COL15A1: variants seen among roughly 807,000 people sequenced by gnomAD.
COL15A1 encodes collagen type XV alpha 1 chain.
A neutral mutation model predicts 165.9 loss-of-function variants in COL15A1; 111 were observed. The ratio of observed to expected loss-of-function variants is 0.67; its 90% CI spans 0.57 to 0.78. COL15A1 has a LOEUF of 0.78. Among genes scored for constraint, COL15A1 ranks in the 30% least tolerant of loss-of-function variants. The pLI is 0.00. For synonymous variants in COL15A1, 659 were observed against 674.8 expected (o/e 0.98, Z 0.36); for missense variants, 1,745 against 1,789.7 (o/e 0.98, Z 0.45).
chr9:99,043,376 G>C (rs930228745), intron 24 of COL15A1, among the ~76,000 whole-genome samples: 3 of 152,062 alleles, frequency 2.0e-5, no homozygotes, highest in Non-Finnish European at 4.4e-5. Flanking sequence ...AGCACCTCTT[G>C]CTTTAAACAC....
chr9:99,055,380 G>C lies in COL15A1; in HGVS notation c.3192+8G>C, dbSNP rs1825707016. ...GGAAATCCAGGCCCGGCTGTGAGTA[G>C]AGACCCCTCCAAGTCATCTACCCCA... On this transcript the variant is annotated splice_region_variant and intron_variant, in intron 34 of 41. Coordinates refer to ENST00000375001, the MANE Select transcript of COL15A1 (RefSeq NM_001855.5). 6.4e-7 allele frequency: 1 copy of C among 1,564,760 alleles called. No individual in the cohort carries two copies. Among genetic ancestry groups the C allele is most frequent in the African/African-American group, 1.4e-5 (1 of 73,966 alleles).
rs1554691785 is a variant in COL15A1, at chr9:99,060,256, A to ATATTT, written c.3402+304_3402+305insATTTT. Among the ~76,000 whole-genome samples the ATATTT allele has an allele frequency of 9.5e-5, 13 of 137,160 alleles. No individual in the cohort carries two copies. The South Asian group carries it at 2.3e-3, about 24-fold the overall frequency. 90.0% of individuals were successfully genotyped at this position (137,160 alleles called of 152,430 possible). ...TTTTTATATATATATATATATATAT[A>ATATTT]TTTTTTTTTTGCTGGATGAGGGGTG... On this transcript the variant is annotated intron_variant, in intron 36 of 41. Transcript: ENST00000375001.
intron 2 of COL15A1, among the ~76,000 whole-genome samples, chr9:98,963,958 A>C (rs1837907214): frequency 6.6e-6 from 1 of 152,210 alleles, no homozygotes; most frequent in South Asian, 2.1e-4. Context: ...AAATGGACAG[A>C]ATATGCTTAG....
At chr9:98,963,403 G>T (rs986636417) in intron 2 of COL15A1, among the ~76,000 whole-genome samples, 2 of 152,194 alleles carry the variant, frequency 1.3e-5, no homozygotes, top group Non-Finnish European at 2.9e-5. Context: ...GGTTCAAAGA[G>T]AGCAAGGAAC....
intron 9 of COL15A1, among the ~76,000 whole-genome samples, chr9:99,007,930 C>T (rs1207141260): frequency 6.6e-6 from 1 of 152,120 alleles, no homozygotes; most frequent in Non-Finnish European, 1.5e-5. Context: ...AAACATTAGG[C>T]AAGACCAAAA....
chr9:99,000,639 C>T (rs937311805), intron 6 of COL15A1, among the ~76,000 whole-genome samples, 200 bp from the exon 7 acceptor site: 4 of 152,196 alleles, frequency 2.6e-5, no homozygotes, highest in Non-Finnish European at 2.9e-5. Flanking sequence ...GAGCGACTTG[C>T]CTGCAGGTGG....
intron 16 of COL15A1, among the ~76,000 whole-genome samples, chr9:99,034,063 T>G (rs1789758643): frequency 6.6e-6 from 1 of 152,196 alleles, no homozygotes; most frequent in African/African-American, 2.4e-5. Flanking sequence ...TTCTGGGGAC[T>G]ACTCCAGCCA....
chr9:99,055,433 C>T, intron 34 of COL15A1, 61 bp downstream of exon 34: 4 of 1,018,060 alleles, frequency 3.9e-6, no homozygotes, highest in Non-Finnish European at 6.2e-6. Flanking sequence ...CGGAAGCCCC[C>T]AATGGGACTA....
At chr9:99,041,232 GAA>G (rs899949302) in intron 23 of COL15A1, 1 of 151,498 alleles carries the variant, frequency 6.6e-6, no homozygotes, top group Non-Finnish European at 1.5e-5. Flanking sequence ...TTATTTGGGG[GAA>G]AAAAAAGGAA....
chr9:99,035,196 T>A (rs376747361), intron 18 of COL15A1, 42 bp downstream of exon 18: 1 of 1,580,516 alleles, frequency 6.3e-7, no homozygotes, highest in Non-Finnish European at 8.6e-7. Flanking sequence ...TGATGTGTAC[T>A]AAGGGCTACT....
At position 98,987,341 on chromosome 9, in the gene COL15A1, G is replaced by A. The variant is rs546643726; in HGVS notation, c.696G>A (p.Glu232=). The change falls in exon 4 of 42, where the codon GAG becomes GAA. Residue 232 remains glutamate (E), a synonymous_variant. Transcript: ENST00000375001. The stretch of plus-strand genomic sequence containing the variant: ...TGCACCCCGACCCCAGGACTCCCGA[G>A]GAGCTGTGTGACCCTGAAGAGTCCT... The part of the protein sequence containing the change: ...LTVHPDPRTP[E]ELCDPEESSA... 28 of 1,613,378 alleles carry A rather than the reference G, an allele frequency of 1.7e-5. 1 individual carries two copies. In the South Asian group the frequency reaches 2.6e-4, roughly 15 times the overall value.
In COL15A1 at chr9:98,986,111, CTGTGA is replaced by C. The variant is rs1838309813; in HGVS notation, c.648_648+4del. 6.2e-7 allele frequency: 1 copy of C among 1,610,888 alleles called. No homozygotes were observed. Among genetic ancestry groups the C allele is most frequent in the East Asian group, 2.2e-5 (1 of 44,846 alleles). On this transcript the variant is annotated splice_donor_variant and splice_donor_region_variant and coding_sequence_variant and intron_variant, in exon 3 of 42. Transcript: ENST00000375001. LOFTEE classifies it high-confidence loss of function. ...GGAGCTACAGGGCTCGAGAGATTCA[CTGTGA>C]GTTAAAGTCCCACTCCAGGTAGATC...
chr9:99,044,645 G>C lies in COL15A1; in HGVS notation c.2643+9G>C. 10 of 1,613,946 alleles carry C rather than the reference G, an allele frequency of 6.2e-6. No homozygotes were observed. Among genetic ancestry groups the C allele is most frequent in the Non-Finnish European group, 7.6e-6 (9 of 1,179,870 alleles). On this transcript the variant is annotated intron_variant, in intron 25 of 41. Transcript: ENST00000375001. ...GGCTGATGGGGAAAAAGGTAATTATGTCACCAGACCCTGCAGGCACATATC... is the reference window on the plus strand; with the variant it reads ...GGCTGATGGGGAAAAAGGTAATTATCTCACCAGACCCTGCAGGCACATATC...
chr9:98,997,009 G>A lies in COL15A1; in HGVS notation c.880G>A (p.Gly294Ser), dbSNP rs1242105838. 1 of 1,613,994 alleles carries A rather than the reference G, an allele frequency of 6.2e-7. No individual in the cohort carries two copies. Among genetic ancestry groups the A allele is most frequent in the Admixed American group, 1.7e-5 (1 of 60,000 alleles). The change falls in exon 6 of 42, where the codon GGT (glycine) becomes AGT (serine). Residue 294 changes from glycine to serine, a missense_variant. Transcript: ENST00000375001. Reference protein sequence around the residue: ...SSPFEDMELSGEPVPEGTLET... With the variant: ...SSPFEDMELSSEPVPEGTLET... Reference sequence around the variant, plus strand: ...CCCCTTTGAAGACATGGAACTTTCTGGTGAACCTGTACCCGAGGGGACCCT... The same window carrying A: ...CCCCTTTGAAGACATGGAACTTTCTAGTGAACCTGTACCCGAGGGGACCCT...
chr9:99,004,873 C>T (rs147593729), intron 8 of COL15A1, 25 bp from the exon 9 acceptor site: 15 of 1,613,796 alleles, frequency 9.3e-6, no homozygotes, highest in African/African-American at 8.0e-5. Context: ...GGCACTGACG[C>T]GGTTCCTGTT....
Position 98,969,377 on chromosome 9 carries a change from G to A in COL15A1, c.101-16188G>A, listed in dbSNP as rs530915023. ...AGGTAGCATTCCTCTTGCGGATCGA[G>A]AAACTCTGGCTCAGAGAAGTGAAGT... On this transcript the variant is annotated intron_variant, in intron 2 of 41. Transcript: ENST00000375001. Among the ~76,000 whole-genome samples the A allele has an allele frequency of 2.6e-5, 4 of 152,332 alleles. No individual in the cohort carries two copies. In the East Asian group the frequency reaches 7.7e-4, roughly 29 times the overall value.
intron 9 of COL15A1, among the ~76,000 whole-genome samples, chr9:99,008,961 C>A (rs575473839): frequency 6.6e-6 from 1 of 152,014 alleles, no homozygotes; most frequent in Non-Finnish European, 1.5e-5. Context: ...TTCTTGGCTC[C>A]GATAAACAAA....
chr9:99,020,542 G>A (rs919524683), intron 12 of COL15A1, 100 bp downstream of exon 12: 7 of 819,862 alleles, frequency 8.5e-6, no homozygotes, highest in East Asian at 2.6e-5. Flanking sequence ...CAAGGGGATC[G>A]CAGAAGCAGC....
intron 5 of COL15A1, among the ~76,000 whole-genome samples, chr9:98,995,483 A>G (rs1160957823): frequency 6.6e-6 from 1 of 152,090 alleles, no homozygotes; most frequent in Non-Finnish European, 1.5e-5. Flanking sequence ...CTTGGGTTCA[A>G]GCCCATTCTT....
Sources: gnomAD v4.1 joint callset for allele counts (sites outside exome capture counted in the v4.1 genomes callset) on GRCh38, gnomAD v4.1.1 for gene constraint, MANE v1.5 for transcripts, NCBI Gene and HGNC (gene_info 2026-07-23, HGNC 2026-07-21) for gene names.